Variants in CDH26 observed in about 807,000 individuals in gnomAD.
CDH26 encodes cadherin-like protein 26.
Under a neutral mutation model 90.3 loss-of-function variants are expected in CDH26, and 83 were observed. The ratio of observed to expected loss-of-function variants is 0.92; its 90% CI spans 0.77 to 1.10. The LOEUF (loss-of-function observed/expected upper bound fraction) is 1.10, where lower values mean the gene tolerates loss of function less well. CDH26 is among the 50% of genes least tolerant of loss of function. The pLI, the probability that CDH26 is intolerant of heterozygous loss-of-function variation, is 0.00. For missense variants in CDH26, 1,013 were observed against 1,037.6 expected (o/e 0.98, Z 0.33); for synonymous variants, 397 against 396.3 (o/e 1.00, Z -0.02).
intron 4 of CDH26, among the ~76,000 whole-genome samples, chr20:59,972,868 G>A (rs140343816): frequency 6.6e-6 from 1 of 152,130 alleles, no homozygotes; most frequent in Non-Finnish European, 1.5e-5. Flanking sequence ...TTTCTCCAGT[G>A]ATCTCAAAGT....
intron 4 of CDH26, among the ~76,000 whole-genome samples, chr20:59,979,172 G>A (rs1399955288): frequency 6.7e-6 from 1 of 149,352 alleles, no homozygotes; most frequent in Non-Finnish European, 1.5e-5. Context: ...ATGTCATTGT[G>A]TGCATCAAGA....
At chr20:59,989,834 C>A (rs1440388795) in intron 9 of CDH26, among the ~76,000 whole-genome samples, 1 of 152,126 alleles carries the variant, frequency 6.6e-6, no homozygotes, top group Non-Finnish European at 1.5e-5. Context: ...TGCTTCTGGG[C>A]AAGAAAAGTG....
chr20:59,978,061 A>G (rs997390641), intron 4 of CDH26, among the ~76,000 whole-genome samples: 2 of 152,178 alleles, frequency 1.3e-5, no homozygotes, highest in Non-Finnish European at 2.9e-5. Context: ...GGCAATATCC[A>G]TTCAAAGTTC....
At position 60,032,165 on chromosome 20, in the gene CDH26, A is replaced by C. The variant is rs369079046; in HGVS notation, c.1143+739A>C. ...AATTCATCTGTGTATCAGTCGGAGA[A>C]ATTAATGCTGGCAGCTGAAACAGGT... is the stretch of plus-strand genomic sequence containing the variant. On this transcript the variant is annotated intron_variant, in intron 8 of 8. Coordinates refer to the CDH26 transcript ENST00000370991. 3.9e-5 allele frequency among the ~76,000 whole-genome samples: 6 copies of C among 152,222 alleles called. No individual in the cohort carries two copies. In the East Asian group the frequency reaches 7.7e-4, roughly 20 times the overall value.
chr20:60,021,284 C>A (rs556094995), intron 7 of CDH26, among the ~76,000 whole-genome samples: 10 of 152,302 alleles, frequency 6.6e-5, no homozygotes, highest in Non-Finnish European at 1.2e-4. Flanking sequence ...ATATAGCACA[C>A]TGTCTGTTCT....
intron 8 of CDH26, 151 bp from the exon 9 acceptor site, chr20:59,988,753 G>A: frequency 2.5e-6 from 2 of 791,736 alleles, no homozygotes; most frequent in Non-Finnish European, 3.9e-6. Flanking sequence ...ATGAGCTGTA[G>A]ACTGTCTTTT....
chr20:60,011,746 C>A (rs532540808), intron 17 of CDH26, among the ~76,000 whole-genome samples: 14 of 152,060 alleles, frequency 9.2e-5, no homozygotes, highest in African/African-American at 2.9e-4. Flanking sequence ...CTGCACTTGG[C>A]GAGCATTGAG....
intron 4 of CDH26, among the ~76,000 whole-genome samples, chr20:59,979,198 ATT>A (rs548400785): frequency 6.5e-5 from 8 of 123,682 alleles, no homozygotes; most frequent in Admixed American, 8.4e-5. Flanking sequence ...TTCTTCTTCT[ATT>A]TTTTTTTTTT....
intron 12 of CDH26, 175 bp downstream of exon 12, chr20:59,996,229 G>A: frequency 9.9e-7 from 1 of 1,006,960 alleles, no homozygotes; most frequent in Non-Finnish European, 1.4e-6. Context: ...TGCCATGCTG[G>A]CCAGGCAAGA....
rs140055156 is a variant in CDH26, at chr20:60,001,411, G to A, written c.2166G>A (p.Trp722Ter). 222 of 1,613,574 alleles carry A rather than the reference G, an allele frequency of 1.4e-4. No individual in the cohort carries two copies. Among genetic ancestry groups the A allele is most frequent in the Middle Eastern group, 6.6e-4 (4 of 6,044 alleles). The stretch of plus-strand genomic sequence containing the variant: ...AAGCACGCTGTGCTCTGGGGAGCTG[G>A]GTGAGTTCCAGAAGGTTGCTCCCTG... ...SAQARCALGS[W>*]GYGKPFEPRS... Residue 722 changes from tryptophan to a stop codon, truncating the protein, a stop_gained and splice_region_variant, in exon 15 of 18, where the codon TGG (tryptophan) becomes TGA (stop). Transcript: ENST00000348616. LOFTEE classifies it high-confidence loss of function.
intron 5 of CDH26, among the ~76,000 whole-genome samples, chr20:59,984,422 C>G (rs1164363672): frequency 6.6e-6 from 1 of 152,194 alleles, no homozygotes; most frequent in Admixed American, 6.5e-5. Context: ...CAATGTAAGT[C>G]TTCTGCATTG....
At chr20:59,963,283 C>A (rs1457730678) in intron 1 of CDH26, among the ~76,000 whole-genome samples, 1 of 139,590 alleles carries the variant, frequency 7.2e-6, no homozygotes, top group Admixed American at 7.5e-5. Flanking sequence ...CAGGGTCTCA[C>A]TCTGCTGCCC....
chr20:59,986,168 A>C (rs1197386673), intron 7 of CDH26: 3 of 152,250 alleles, frequency 2.0e-5, no homozygotes, highest in African/African-American at 7.2e-5. Context: ...AGGATTCTAG[A>C]GGGAAGGTGA....
chr20:60,012,387 G>C (rs1013427503), intron 17 of CDH26, 140 bp from the exon 18 acceptor site: 1 of 707,908 alleles, frequency 1.4e-6, no homozygotes, highest in Non-Finnish European at 2.3e-6. Flanking sequence ...GGAACTGTAC[G>C]AACTCCTGTG....
intron 10 of CDH26, 50 bp from the exon 11 acceptor site, chr20:59,994,200 G>C (rs778684621): frequency 6.2e-7 from 1 of 1,610,134 alleles, no homozygotes. Context: ...ATTCTCCAGA[G>C]CTGTGTGTGC....
chr20:60,032,883 G>A (rs185586773), intron 8 of CDH26, among the ~76,000 whole-genome samples: 1,730 of 150,570 alleles, frequency 0.011, 21 homozygotes, highest in Middle Eastern at 0.024. Context: ...AGCATTGGGA[G>A]ATGTACCTAA....
chr20:60,012,934 CTT>C lies in CDH26; in HGVS notation c.*206_*207del, dbSNP rs2061867467. 4.0e-6 allele frequency: 2 copies of C among 503,912 alleles called. No homozygotes were observed. Among genetic ancestry groups the C allele is most frequent in the Non-Finnish European group, 7.0e-6 (2 of 286,880 alleles). The allele number at this position is 503,912 out of a possible 1,614,324, so 31.2% of individuals were successfully genotyped here. On this transcript the variant is annotated 3_prime_UTR_variant, in exon 18 of 18. Transcript: ENST00000348616. ...AACCAAAGCAAAACCACAAGTTACA[CTT>C]TCTTAAAATTTGATTTGTCATATTT...
Position 59,989,140 on chromosome 20 carries a change from C to T in CDH26, c.1260C>T (p.Ala420=), listed in dbSNP as rs1316778719. The change falls in exon 9 of 18, where the codon GCC becomes GCT. Residue 420 remains alanine, a synonymous_variant. Transcript: ENST00000348616. ...RPGTLLGTFN[A]MDPDSQIRYE... ...GGACCCTGTTGGGAACTTTTAATGC[C>T]ATGGATCCAGACAGCCAGATAAGGT... 1 of 1,614,168 alleles carries T rather than the reference C, an allele frequency of 6.2e-7. No homozygotes were observed.
At chr20:59,959,240 A>G (rs927936194) in intron 1 of CDH26, among the ~76,000 whole-genome samples, 3 of 152,016 alleles carry the variant, frequency 2.0e-5, no homozygotes, top group Non-Finnish European at 1.5e-5. Context: ...AGCTGGGACT[A>G]CAGTAACTTA....
Sources: gnomAD v4.1 joint callset for allele counts (sites outside exome capture counted in the v4.1 genomes callset) on GRCh38, gnomAD v4.1.1 for gene constraint, MANE v1.5 for transcripts, NCBI Gene and HGNC (gene_info 2026-07-23, HGNC 2026-07-21) for gene names.